Variants in NADK2 observed in about 807,000 individuals in gnomAD.
NADK2 encodes NAD kinase domain-containing protein 1, mitochondrial.
NADK2 carries 35 observed loss-of-function variants against 62.1 expected under a neutral mutation model. That is an observed-to-expected ratio of 0.56 (90% CI 0.43 to 0.75). The LOEUF is 0.75. NADK2 is among the 30% of genes least tolerant of loss of function. The probability of loss-of-function intolerance (pLI) is 0.00; values close to 1 mark genes in which losing one functional copy is unlikely to be tolerated. For synonymous variants in NADK2, 205 were observed against 207.9 expected, an observed-to-expected ratio of 0.99 and a Z score of 0.12; for missense variants, 439 against 561.3, an observed-to-expected ratio of 0.78 and a Z score of 2.20.
At chr5:36,213,574 A>T (rs1451224344) in intron 6 of NADK2, among the ~76,000 whole-genome samples, 1 of 139,080 alleles carries the variant, frequency 7.2e-6, no homozygotes, top group African/African-American at 2.5e-5. Context: ...GCTCAACTTC[A>T]TAATACAGAG....
At chr5:36,217,551 C>A (rs899658240) in intron 6 of NADK2, among the ~76,000 whole-genome samples, 197 bp downstream of exon 6, 2 of 151,994 alleles carry the variant, frequency 1.3e-5, no homozygotes, top group Non-Finnish European at 2.9e-5. Context: ...CAAATCTGTC[C>A]TAGAAAACAT....
chr5:36,206,614 T>A (rs1746650410), intron 8 of NADK2, among the ~76,000 whole-genome samples: 1 of 152,014 alleles, frequency 6.6e-6, no homozygotes, highest in Non-Finnish European at 1.5e-5. Context: ...CTGAAGACAA[T>A]AAATTCAGTT....
intron 10 of NADK2, among the ~76,000 whole-genome samples, chr5:36,198,554 T>C (rs764259476): frequency 6.7e-6 from 1 of 149,682 alleles, no homozygotes; most frequent in South Asian, 2.1e-4. Context: ...CTTTGGTATG[T>C]TTACTAAAAG....
rs1470530080 is a variant in NADK2 at position 36,200,224 on chromosome 5, G to T, written c.1066+3C>A. 1.3e-6 allele frequency: 2 copies of T among 1,573,776 alleles called. No homozygotes were observed. The highest frequency in any genetic ancestry group is 2.7e-5 in the African/African-American group (2 of 72,750). Reference sequence around the variant, plus strand: ...TTAGTGATTATTATCATTTGTCACTGACCTTTCTCTACCAATTCTCTGTTC... The same window carrying T: ...TTAGTGATTATTATCATTTGTCACTTACCTTTCTCTACCAATTCTCTGTTC... On this transcript the variant is annotated splice_donor_region_variant and intron_variant, in intron 10 of 11. Transcript: ENST00000381937.
chr5:36,211,798 A>G, intron 7 of NADK2, 46 bp downstream of exon 7: 1 of 1,487,340 alleles, frequency 6.7e-7, no homozygotes, highest in Non-Finnish European at 9.3e-7. Flanking sequence ...ATCCAAAAGC[A>G]CTAAAACATT....
chr5:36,213,782 A>G (rs1323623380), intron 6 of NADK2, among the ~76,000 whole-genome samples: 1 of 151,850 alleles, frequency 6.6e-6, no homozygotes, highest in Admixed American at 6.6e-5. Flanking sequence ...CTTTTCCTTA[A>G]TTACTAATGA....
intron 6 of NADK2, among the ~76,000 whole-genome samples, chr5:36,214,247 T>C (rs1746961908): frequency 6.6e-6 from 1 of 152,164 alleles, no homozygotes; most frequent in Non-Finnish European, 1.5e-5. Context: ...GATGGCACAA[T>C]CTCGGCTCAC....
chr5:36,227,894 G>GA, intron 1 of NADK2, among the ~76,000 whole-genome samples: 1 of 150,596 alleles, frequency 6.6e-6, no homozygotes, highest in Non-Finnish European at 1.5e-5. Flanking sequence ...GCCCAGGCTG[G>GA]AGTGCAGTGG....
At chr5:36,195,578 T>C (rs1481711790) in intron 11 of NADK2, among the ~76,000 whole-genome samples, 2 of 152,200 alleles carry the variant, frequency 1.3e-5, no homozygotes, top group African/African-American at 2.4e-5. Context: ...TATTAAGTAT[T>C]GAATAAGAGT....
intron 1 of NADK2, among the ~76,000 whole-genome samples, chr5:36,240,567 G>A (rs1312837341): frequency 1.3e-5 from 2 of 152,166 alleles, no homozygotes; most frequent in Non-Finnish European, 2.9e-5. Context: ...TACTGCTCAT[G>A]GTAGCACCGG....
chr5:36,211,540 G>A (rs528705398), intron 7 of NADK2, among the ~76,000 whole-genome samples: 1 of 121,098 alleles, frequency 8.3e-6, no homozygotes, highest in South Asian at 3.4e-4. Flanking sequence ...GGGCGACAGA[G>A]TGAGACTCAG....
At chr5:36,233,173 C>T (rs1057029386) in intron 1 of NADK2, among the ~76,000 whole-genome samples, 2 of 152,154 alleles carry the variant, frequency 1.3e-5, no homozygotes, top group Non-Finnish European at 2.9e-5. Context: ...ACAACACCAA[C>T]TCTTATCTGG....
chr5:36,227,537 C>A lies in NADK2; in HGVS notation c.329G>T (p.Gly110Val), dbSNP rs1472703960. 6.4e-7 allele frequency: 1 copy of A among 1,557,168 alleles called. No homozygotes were observed. Among genetic ancestry groups the A allele is most frequent in the Non-Finnish European group, 8.7e-7 (1 of 1,150,970 alleles). ...GTGAATATGATGTCGTTCAAGAAGT[C>A]CACTGTAACTAGAGCCTTTCAATGC... is the stretch of plus-strand genomic sequence containing the variant. ...LLALKGSSYSGLLERHHIHTK... is the reference protein window; with the variant it reads ...LLALKGSSYSVLLERHHIHTK... The change falls in exon 2 of 12, where the codon GGA becomes GTA. Residue 110 changes from glycine to valine, a missense_variant. Coordinates refer to ENST00000381937, the MANE Select transcript of NADK2 (RefSeq NM_001085411.3).
chr5:36,234,208 A>T lies in NADK2; in HGVS notation c.301-6643T>A, dbSNP rs546971711. Among the ~76,000 whole-genome samples, 399 of 151,650 alleles carry T rather than the reference A, an allele frequency of 2.6e-3. 2 individuals are homozygous for T. The highest frequency in any genetic ancestry group is 4.6e-3 in the Non-Finnish European group (311 of 67,892). ...GCTAACACGGTGAAACCCCGTCTCT[A>T]CTAAAAATACAAAAATTAGCCGGGC... is the stretch of plus-strand genomic sequence containing the variant. On this transcript the variant is annotated intron_variant, in intron 1 of 11. Coordinates refer to ENST00000381937, the MANE Select transcript of NADK2 (RefSeq NM_001085411.3).
At chr5:36,223,539 TCA>T (rs1393646593) in intron 4 of NADK2, among the ~76,000 whole-genome samples, 5 of 151,994 alleles carry the variant, frequency 3.3e-5, no homozygotes, top group African/African-American at 1.2e-4. Context: ...AAAGAAGTAG[TCA>T]CAGAGATAGG....
At chr5:36,227,147 T>C (rs1261035205) in intron 2 of NADK2, among the ~76,000 whole-genome samples, 2 of 152,186 alleles carry the variant, frequency 1.3e-5, no homozygotes, top group African/African-American at 4.8e-5. Context: ...AAAATATTAT[T>C]ACAATGAACA....
intron 1 of NADK2, among the ~76,000 whole-genome samples, chr5:36,236,960 G>A (rs907652870): frequency 4.6e-5 from 7 of 151,288 alleles, no homozygotes; most frequent in African/African-American, 1.7e-4. Context: ...GACACTGAGA[G>A]ATGCAAATTC....
intron 1 of NADK2, among the ~76,000 whole-genome samples, chr5:36,237,252 T>C (rs560153301): frequency 6.6e-6 from 1 of 152,182 alleles, no homozygotes; most frequent in Non-Finnish European, 1.5e-5. Context: ...AGAAGATAAA[T>C]TAGGACACAA....
rs1348741424 is a variant in NADK2, at chr5:36,241,924, G to C, written c.-126C>G. 5.0e-6 allele frequency: 4 copies of C among 798,336 alleles called. No homozygotes were observed. Among genetic ancestry groups the C allele is most frequent in the Non-Finnish European group, 6.3e-6 (4 of 636,528 alleles). 49.5% of individuals were successfully genotyped at this position (798,336 alleles called of 1,614,324 possible). Reference sequence around the variant, plus strand: ...CGCGCCGGACGGGCAGAGGTTAAGTGCCAGGACGTGCGTGGCCCACGCGGC... The same window carrying C: ...CGCGCCGGACGGGCAGAGGTTAAGTCCCAGGACGTGCGTGGCCCACGCGGC... On this transcript the variant is annotated 5_prime_UTR_variant, in exon 1 of 12. Transcript: ENST00000381937. This position sits in a 1 kb window ranked among gnomAD's most constrained non-coding sequence, Gnocchi z 4.9.
Sources: gnomAD v4.1 joint callset for allele counts (sites outside exome capture counted in the v4.1 genomes callset) on GRCh38, gnomAD v4.1.1 for gene constraint, Gnocchi (gnomAD v3.1) non-coding constraint, MANE v1.5 for transcripts, NCBI Gene and HGNC (gene_info 2026-07-23, HGNC 2026-07-21) for gene names.